RYR2: variants seen among roughly 807,000 people sequenced by gnomAD.
RYR2 encodes the protein ryanodine receptor 2.
In RYR2, 227 loss-of-function variants were observed where a neutral mutation model predicts 601.1. That is an observed-to-expected ratio of 0.38 (90% CI 0.34 to 0.42). RYR2 has a LOEUF of 0.42. Ranked by LOEUF, RYR2 falls within the 10% of genes least tolerant of loss-of-function variation. RYR2 has a pLI of 1.00. For synonymous variants in RYR2, 2,223 were observed against 2,175.1 expected (o/e 1.02, Z -0.61); for missense variants, 4,646 against 6,156.5 (o/e 0.75, Z 8.21).
At chr1:237,792,581 G>C (rs1013508573) in intron 94 of RYR2, among the ~76,000 whole-genome samples, 13 of 152,210 alleles carry the variant, frequency 8.5e-5, no homozygotes, top group South Asian at 2.1e-4. Flanking sequence ...CACAGCAGGT[G>C]CCGTCTCCAA....
At chr1:237,457,799 G>A (rs1659017091) in intron 16 of RYR2, among the ~76,000 whole-genome samples, 1 of 152,106 alleles carries the variant, frequency 6.6e-6, no homozygotes, top group South Asian at 2.1e-4. Context: ...GAGACCACGG[G>A]GAATGGTCTC....
chr1:237,084,748 C>T (rs1666115955), intron 1 of RYR2, among the ~76,000 whole-genome samples: 1 of 152,138 alleles, frequency 6.6e-6, no homozygotes, highest in Non-Finnish European at 1.5e-5. Flanking sequence ...TGTGCTAGTC[C>T]CTTTTTAATT....
intron 1 of RYR2, among the ~76,000 whole-genome samples, chr1:237,183,767 C>G (rs1679039338): frequency 6.6e-6 from 1 of 152,116 alleles, no homozygotes; most frequent in South Asian, 2.1e-4. Context: ...ATCCTTTGTT[C>G]AATTTAGAGA....
chr1:237,384,772 T>C (rs939509872), intron 8 of RYR2, among the ~76,000 whole-genome samples: 2 of 152,208 alleles, frequency 1.3e-5, no homozygotes, highest in East Asian at 3.8e-4. Flanking sequence ...TGAGAAACTC[T>C]GCTCTCATTT....
At chr1:237,681,490 G>A (rs1349484135) in intron 62 of RYR2, among the ~76,000 whole-genome samples, 1 of 152,122 alleles carries the variant, frequency 6.6e-6, no homozygotes, top group African/African-American at 2.4e-5. Flanking sequence ...TTCACTTATT[G>A]TCTATTTTAC....
intron 71 of RYR2, among the ~76,000 whole-genome samples, chr1:237,714,937 G>T (rs1033216880): frequency 7.0e-5 from 9 of 128,632 alleles, no homozygotes; most frequent in African/African-American, 2.6e-4. Context: ...AGACTGCAGT[G>T]AGCCGAGATC....
chr1:237,579,852 G>A (rs978772146), intron 29 of RYR2, among the ~76,000 whole-genome samples: 23 of 151,894 alleles, frequency 1.5e-4, no homozygotes, highest in Admixed American at 1.4e-3. Flanking sequence ...ATATCATACC[G>A]AATATGTACA....
At chr1:237,646,085 G>A (rs1375568202) in intron 48 of RYR2, among the ~76,000 whole-genome samples, 2 of 152,142 alleles carry the variant, frequency 1.3e-5, no homozygotes, top group East Asian at 3.9e-4. Context: ...CACCATGTTA[G>A]CCAGGATGGT....
chr1:237,210,328 T>C (rs975540006), intron 1 of RYR2, among the ~76,000 whole-genome samples: 3 of 152,220 alleles, frequency 2.0e-5, no homozygotes, highest in Admixed American at 2.0e-4. Context: ...TTGTCTTAGA[T>C]GCTATTTTAC....
chr1:237,206,159 C>T (rs1681791652), intron 1 of RYR2, among the ~76,000 whole-genome samples: 1 of 152,148 alleles, frequency 6.6e-6, no homozygotes, highest in Admixed American at 6.5e-5. Flanking sequence ...GGGCTCCAGC[C>T]ACAGTCTGCA....
chr1:237,386,740 G>A (rs1245900797), intron 8 of RYR2, among the ~76,000 whole-genome samples: 2 of 152,196 alleles, frequency 1.3e-5, no homozygotes, highest in Non-Finnish European at 2.9e-5. Context: ...CGGAAGAAAT[G>A]TAGCTTGGTT....
chr1:237,552,177 A>G (rs1670468727), intron 27 of RYR2, among the ~76,000 whole-genome samples: 1 of 152,196 alleles, frequency 6.6e-6, no homozygotes, highest in African/African-American at 2.4e-5. Context: ...TTAGGTGTGC[A>G]GATACCAAGA....
chr1:237,288,662 C>G (rs147929168), intron 2 of RYR2, among the ~76,000 whole-genome samples: 2 of 152,032 alleles, frequency 1.3e-5, no homozygotes, highest in Admixed American at 6.6e-5. Flanking sequence ...TCCCACTGTG[C>G]CCCCCAACAA....
At chr1:237,384,700 AAT>A (rs778715377) in intron 8 of RYR2, among the ~76,000 whole-genome samples, 1 of 152,184 alleles carries the variant, frequency 6.6e-6, no homozygotes, top group Non-Finnish European at 1.5e-5. Flanking sequence ...GGGGACAGCA[AAT>A]ATATAAATGT....
At chr1:237,699,058 C>G (rs1331692345) in intron 64 of RYR2, 33 bp downstream of exon 64, 6 of 1,024,070 alleles carry the variant, frequency 5.9e-6, no homozygotes, top group Non-Finnish European at 8.9e-6. Flanking sequence ...AAATAAATTA[C>G]TATAATAATG....
chr1:237,302,999 G>GA (rs1307183354), intron 2 of RYR2, among the ~76,000 whole-genome samples: 1 of 152,102 alleles, frequency 6.6e-6, no homozygotes, highest in Non-Finnish European at 1.5e-5. Flanking sequence ...ATCAAAATAA[G>GA]AAAAATCTTG....
intron 2 of RYR2, among the ~76,000 whole-genome samples, chr1:237,274,708 T>C (rs917556881): frequency 2.0e-5 from 3 of 152,136 alleles, no homozygotes; most frequent in African/African-American, 7.2e-5. Flanking sequence ...CTCACCAGAG[T>C]AACTTCCGGT....
At chr1:237,738,013 A>G (rs1255509621) in intron 79 of RYR2, among the ~76,000 whole-genome samples, 1 of 152,032 alleles carries the variant, frequency 6.6e-6, no homozygotes, top group Non-Finnish European at 1.5e-5. Context: ...GTCTTTCCTC[A>G]TTTTAAAAAT....
chr1:237,508,990 C>T (rs1185623643), intron 23 of RYR2, among the ~76,000 whole-genome samples: 4 of 151,966 alleles, frequency 2.6e-5, no homozygotes, highest in Non-Finnish European at 4.4e-5. Context: ...GATCCGCCCG[C>T]CTCGGCCTCC....
Sources: allele counts gnomAD v4.1 joint callset (sites outside exome capture counted in the v4.1 genomes callset), GRCh38; gene constraint gnomAD v4.1.1; transcripts MANE v1.5; gene names NCBI Gene and HGNC (gene_info 2026-07-23, HGNC 2026-07-21).